Variants in TARBP1 observed in about 807,000 individuals in gnomAD.
TARBP1 encodes tRNA (guanosine(18)-2'-O)-methyltransferase TARBP1.
Under a neutral mutation model 178.6 loss-of-function variants are expected in TARBP1, and 144 were observed. The ratio of observed to expected loss-of-function variants is 0.81; its 90% CI spans 0.70 to 0.93. TARBP1 has a LOEUF of 0.93. Ranked by LOEUF, TARBP1 falls within the 40% of genes least tolerant of loss-of-function variation. TARBP1 has a pLI of 0.00. For missense variants in TARBP1, 2,067 were observed against 2,011.7 expected (o/e 1.03, Z -0.53); for synonymous variants, 787 against 781.0 (o/e 1.01, Z -0.13).
chr1:234,462,687 C>CAA (rs35604890), intron 6 of TARBP1, among the ~76,000 whole-genome samples: 16,536 of 102,548 alleles, frequency 0.16, 1,777 homozygotes, highest in Non-Finnish European at 0.19. Context: ...GACTTCATCT[C>CAA]AAAAAAAAAA....
chr1:234,415,751 G>C (rs562964406), intron 22 of TARBP1, among the ~76,000 whole-genome samples: 1 of 152,194 alleles, frequency 6.6e-6, no homozygotes, highest in African/African-American at 2.4e-5. Context: ...TGAAGGCACC[G>C]TGTGTCCAGT....
intron 24 of TARBP1, among the ~76,000 whole-genome samples, chr1:234,402,601 G>T (rs562322298): frequency 6.6e-6 from 1 of 151,482 alleles, no homozygotes; most frequent in South Asian, 2.1e-4. Context: ...TTTGAGACAG[G>T]GTCTCACTCG....
In TARBP1 at chr1:234,416,003, T is replaced by C. The variant is rs556378238; in HGVS notation, c.3705+2081A>G. Among the ~76,000 whole-genome samples the C allele has an allele frequency of 4.6e-5, 7 of 152,308 alleles. No homozygotes were observed. The East Asian group carries it at 1.4e-3, about 29-fold the overall frequency. On this transcript the variant is annotated intron_variant, in intron 22 of 29. Coordinates refer to ENST00000040877, the MANE Select transcript of TARBP1 (RefSeq NM_005646.4). The stretch of plus-strand genomic sequence containing the variant: ...CTCTGTCTGATGTCCACAGGTAAAA[T>C]CAGATTCGAAGAGAATATACAAGGT...
chr1:234,457,630 GT>G, intron 9 of TARBP1, 36 bp downstream of exon 9: 2 of 1,449,538 alleles, frequency 1.4e-6, no homozygotes, highest in Non-Finnish European at 1.9e-6. Flanking sequence ...ATTTTTTATA[GT>G]TTTCAAAGAC....
intron 21 of TARBP1, among the ~76,000 whole-genome samples, chr1:234,419,701 G>A (rs10797541): frequency 0.23 from 34,538 of 151,724 alleles, 4,301 homozygotes; most frequent in East Asian, 0.44. Context: ...CTTTTTTAAT[G>A]CATCCTTATG....
In TARBP1 at chr1:234,467,664, C is replaced by T. The variant is rs747265557; in HGVS notation, c.1100-14G>A. On this transcript the variant is annotated splice_polypyrimidine_tract_variant and intron_variant, in intron 3 of 29. Coordinates refer to ENST00000040877, the MANE Select transcript of TARBP1 (RefSeq NM_005646.4). ...AGAGCCAACATCCTGTGGAAACAAACATCAAATGTTGACATCTGATTCTGT... is the reference window on the plus strand; with the variant it reads ...AGAGCCAACATCCTGTGGAAACAAATATCAAATGTTGACATCTGATTCTGT... The T allele has an allele frequency of 7.0e-6, 11 of 1,562,990 alleles. No homozygotes were observed. The Admixed American group carries it at 2.1e-4, about 29-fold the overall frequency.
chr1:234,460,337 T>C lies in TARBP1; in HGVS notation c.1459A>G (p.Ile487Val), dbSNP rs750502327. The change falls in exon 7 of 30, where the codon ATT (isoleucine) becomes GTT (valine). Residue 487 changes from isoleucine to valine, a missense_variant. Transcript: ENST00000040877. ...MTSRHWCAVP[I>V]LFLSKALANV... Reference sequence around the variant, plus strand: ...GCCAAAGCCTTAGATAGAAACAAAATGGGAACAGCACACCAATGCCTACTT... The same window carrying C: ...GCCAAAGCCTTAGATAGAAACAAAACGGGAACAGCACACCAATGCCTACTT... 1.5e-5 allele frequency: 24 copies of C among 1,614,070 alleles called. No homozygotes were observed. Among genetic ancestry groups the C allele is most frequent in the East Asian group, 4.5e-5 (2 of 44,882 alleles).
chr1:234,429,949 A>C, intron 15 of TARBP1, 138 bp downstream of exon 15: 1 of 940,774 alleles, frequency 1.1e-6, no homozygotes, highest in South Asian at 1.7e-5. Context: ...AACAGAGATG[A>C]ATAATGTTAT....
chr1:234,423,599 C>T (rs949645121), intron 20 of TARBP1, among the ~76,000 whole-genome samples: 3 of 152,164 alleles, frequency 2.0e-5, no homozygotes, highest in Non-Finnish European at 4.4e-5. Context: ...CAACAGCCGG[C>T]CTGCAACCTC....
intron 26 of TARBP1, among the ~76,000 whole-genome samples, chr1:234,397,090 T>TAA (rs1660011995): frequency 6.8e-6 from 1 of 147,956 alleles, no homozygotes; most frequent in East Asian, 2.0e-4. Context: ...AGAATGAGGC[T>TAA]AAAATGTGAG....
At chr1:234,429,051 A>G in intron 17 of TARBP1, 85 bp downstream of exon 17, 1 of 1,251,770 alleles carries the variant, frequency 8.0e-7, no homozygotes, top group Non-Finnish European at 1.1e-6. Context: ...CCAAAAATCT[A>G]ATTGTGAATA....
chr1:234,465,845 A>G lies in TARBP1; in HGVS notation c.1249-137T>C, dbSNP rs536081821. ...AAGCAAAGCTGATCTCTTACGCTGCAGGCTAAATTTAGTGCTGGTCCTGGA... is the reference window on the plus strand; with the variant it reads ...AAGCAAAGCTGATCTCTTACGCTGCGGGCTAAATTTAGTGCTGGTCCTGGA... On this transcript the variant is annotated intron_variant, in intron 4 of 29. Transcript: ENST00000040877. 7 of 667,210 alleles carry G rather than the reference A, an allele frequency of 1.0e-5. No homozygotes were observed. The South Asian group carries it at 2.0e-4, about 19-fold the overall frequency. The allele number at this position is 667,210 out of a possible 1,614,324, so 41.3% of individuals were successfully genotyped here.
chr1:234,443,810 A>G (rs1246706975), intron 12 of TARBP1, among the ~76,000 whole-genome samples: 1 of 152,244 alleles, frequency 6.6e-6, no homozygotes, highest in Non-Finnish European at 1.5e-5. Flanking sequence ...TACAACATGG[A>G]TGGACCCAGA....
intron 10 of TARBP1, among the ~76,000 whole-genome samples, chr1:234,450,044 T>C (rs1619856): frequency 0.54 from 81,870 of 151,988 alleles, 23,117 homozygotes; most frequent in African/African-American, 0.71. Flanking sequence ...GCTTTAAAAA[T>C]GAAAAAGATA....
intron 10 of TARBP1, among the ~76,000 whole-genome samples, chr1:234,449,900 A>G (rs1020559361): frequency 1.3e-5 from 2 of 152,258 alleles, no homozygotes; most frequent in Admixed American, 6.5e-5. Flanking sequence ...GTTGTCTTAT[A>G]TATTTCCTCA....
intron 4 of TARBP1, among the ~76,000 whole-genome samples, chr1:234,466,517 CA>C (rs1158759563): frequency 6.7e-6 from 1 of 150,164 alleles, no homozygotes; most frequent in Non-Finnish European, 1.5e-5. Flanking sequence ...GTCTCAAAAA[CA>C]AAAAAATTAT....
Position 234,405,892 on chromosome 1 carries a change from G to A in TARBP1, c.3989+11C>T, listed in dbSNP as rs771583909. 7.4e-6 allele frequency: 12 copies of A among 1,611,180 alleles called. No homozygotes were observed. Among genetic ancestry groups the A allele is most frequent in the East Asian group, 2.2e-5 (1 of 44,870 alleles). The stretch of plus-strand genomic sequence containing the variant: ...AGAGTGAGGGCGATGAGGTTGACGA[G>A]GGCTCCTTACCCTGCTCCGTGCATG... On this transcript the variant is annotated intron_variant, in intron 24 of 29. Transcript: ENST00000040877.
intron 26 of TARBP1, among the ~76,000 whole-genome samples, chr1:234,397,112 T>A (rs757113148): frequency 2.1e-5 from 3 of 143,472 alleles, no homozygotes; most frequent in Non-Finnish European, 4.5e-5. Context: ...GACAGACTGA[T>A]AGGAAGATAG....
chr1:234,415,482 A>G (rs890304422), intron 22 of TARBP1, among the ~76,000 whole-genome samples: 2 of 152,112 alleles, frequency 1.3e-5, no homozygotes, highest in African/African-American at 2.4e-5. Context: ...CCTTTCTTTG[A>G]TATCTATCCT....
Sources: allele counts gnomAD v4.1 joint callset (sites outside exome capture counted in the v4.1 genomes callset), GRCh38; gene constraint gnomAD v4.1.1; transcripts MANE v1.5; gene names NCBI Gene and HGNC (gene_info 2026-07-23, HGNC 2026-07-21).